UBE3A: variants seen among roughly 807,000 people sequenced by gnomAD.
UBE3A encodes the protein ubiquitin-protein ligase E3A.
A neutral mutation model predicts 83.4 loss-of-function variants in UBE3A; 6 were observed. That is an observed-to-expected ratio of 0.07 (90% CI 0.04 to 0.14). The LOEUF (loss-of-function observed/expected upper bound fraction) is 0.14. Among genes scored for constraint, UBE3A ranks in the 10% least tolerant of loss-of-function variants. The pLI, the probability that UBE3A is intolerant of heterozygous loss-of-function variation, is 1.00. For synonymous variants in UBE3A, 337 were observed against 355.4 expected (o/e 0.95, Z 0.58); for missense variants, 456 against 1,036.1 (o/e 0.44, Z 7.69).
intron 1 of UBE3A, chr15:25,438,028 A>G (rs1054945976): frequency 6.6e-6 from 1 of 152,156 alleles, no homozygotes. Context: ...CTTCCCATCA[A>G]TCCACCCCCA....
chr15:25,340,350 A>T, intron 11 of UBE3A, 122 bp from the exon 12 acceptor site: 5 of 1,188,040 alleles, frequency 4.2e-6, no homozygotes, highest in Non-Finnish European at 6.1e-6. Flanking sequence ...TTATCAGGAT[A>T]GTATCACTTC....
intron 4 of UBE3A, among the ~76,000 whole-genome samples, chr15:25,377,042 T>C (rs1595876432): frequency 6.6e-6 from 1 of 152,128 alleles, no homozygotes; most frequent in African/African-American, 2.4e-5. Context: ...AGCATGGAAA[T>C]AACAACTACA....
At position 25,432,218 on chromosome 15, in the gene UBE3A, T is replaced by C. The variant is rs74377376; in HGVS notation, c.-165+6271A>G. Among the ~76,000 whole-genome samples, 605 of 152,328 alleles carry C rather than the reference T, an allele frequency of 4.0e-3. 2 individuals are homozygous for C. The highest frequency in any genetic ancestry group is 0.014 in the African/African-American group (580 of 41,572). Reference sequence around the variant, plus strand: ...AGAAAGTGACAAAATGTGACATATGTCCATAGTGAATACATGGTGCTTTAT... The same window carrying C: ...AGAAAGTGACAAAATGTGACATATGCCCATAGTGAATACATGGTGCTTTAT... On this transcript the variant is annotated intron_variant, in intron 1 of 12. Coordinates refer to ENST00000648336, the MANE Select transcript of UBE3A (RefSeq NM_130839.5).
In UBE3A at chr15:25,370,529, C is replaced by T. The variant is rs1292422526; in HGVS notation, c.1608+37G>A. 6.2e-7 allele frequency: 1 copy of T among 1,611,986 alleles called. No homozygotes were observed. The highest frequency in any genetic ancestry group is 1.1e-5 in the South Asian group (1 of 91,024). On this transcript the variant is annotated intron_variant, in intron 6 of 12. Coordinates refer to ENST00000648336, the MANE Select transcript of UBE3A (RefSeq NM_130839.5). This position sits in a 1 kb window ranked among gnomAD's most constrained non-coding sequence, Gnocchi z 4.2. ...ATTCACTGAACTGTATCATGATATC[C>T]CCATTATTAGGTTTTTAATCTAGCA... is the stretch of plus-strand genomic sequence containing the variant.
chr15:25,411,834 G>A (rs943735615), intron 2 of UBE3A, 74 bp downstream of exon 2: 3 of 152,138 alleles, frequency 2.0e-5, no homozygotes, highest in Non-Finnish European at 2.9e-5. Flanking sequence ...CAAATTTGCT[G>A]AACACATCTG....
intron 6 of UBE3A, among the ~76,000 whole-genome samples, chr15:25,362,683 G>A (rs1045097732): frequency 2.0e-5 from 3 of 152,088 alleles, no homozygotes; most frequent in Admixed American, 1.3e-4. Flanking sequence ...TTCAAGCTAC[G>A]GAGTATACAG....
At chr15:25,350,818 G>C (rs1322969452) in intron 11 of UBE3A, among the ~76,000 whole-genome samples, 1 of 152,132 alleles carries the variant, frequency 6.6e-6, no homozygotes. Context: ...TGCAGTACAA[G>C]TACATAAGAT....
chr15:25,361,668 C>G (rs1314049690), intron 6 of UBE3A, among the ~76,000 whole-genome samples: 2 of 151,986 alleles, frequency 1.3e-5, no homozygotes, highest in African/African-American at 4.8e-5. Flanking sequence ...GATACTGTAT[C>G]TAGTACATGG....
At chr15:25,415,542 C>G (rs1005685813) in intron 1 of UBE3A, among the ~76,000 whole-genome samples, 1 of 152,118 alleles carries the variant, frequency 6.6e-6, no homozygotes, top group Admixed American at 6.6e-5. Context: ...ACCTCTATCC[C>G]CCACCCACCT....
chr15:25,434,040 C>T (rs1319057979), intron 1 of UBE3A, among the ~76,000 whole-genome samples: 2 of 152,140 alleles, frequency 1.3e-5, no homozygotes, highest in African/African-American at 4.8e-5. Flanking sequence ...CCAACTTGGG[C>T]AACACAGCGA....
At chr15:25,342,865 C>T (rs1398662256) in intron 11 of UBE3A, among the ~76,000 whole-genome samples, 1 of 152,034 alleles carries the variant, frequency 6.6e-6, no homozygotes, top group Non-Finnish European at 1.5e-5. Context: ...GCACTGGCAA[C>T]AGGGTGGTTA....
intron 2 of UBE3A, among the ~76,000 whole-genome samples, chr15:25,410,589 C>T (rs1479722572): frequency 2.2e-4 from 34 of 152,042 alleles, no homozygotes; most frequent in Non-Finnish European, 2.9e-5. Context: ...GATTCAGAAC[C>T]CAATATAAAA....
At chr15:25,421,497 G>GA (rs1889809438) in intron 1 of UBE3A, among the ~76,000 whole-genome samples, 1 of 152,176 alleles carries the variant, frequency 6.6e-6, no homozygotes, top group Non-Finnish European at 1.5e-5. Context: ...CCACTTATAT[G>GA]AAGTACCTGG....
intron 6 of UBE3A, among the ~76,000 whole-genome samples, chr15:25,367,190 A>C (rs997921264): frequency 1.6e-3 from 131 of 81,666 alleles, no homozygotes; most frequent in South Asian, 4.8e-3. Context: ...TAAATATGTA[A>C]ATATTTACAT....
At chr15:25,419,383 C>G (rs1303317444) in intron 1 of UBE3A, 2 of 152,036 alleles carry the variant, frequency 1.3e-5, no homozygotes, top group African/African-American at 2.4e-5. Flanking sequence ...AAATTATATT[C>G]TACAATTATT....
intron 4 of UBE3A, among the ~76,000 whole-genome samples, chr15:25,376,449 C>T (rs2081234285): frequency 6.6e-6 from 1 of 152,026 alleles, no homozygotes; most frequent in Admixed American, 6.6e-5. Flanking sequence ...GAGGTCAACA[C>T]CAGCCTGGGC....
At chr15:25,373,336 A>G (rs1248581330) in intron 5 of UBE3A, among the ~76,000 whole-genome samples, 2 of 152,206 alleles carry the variant, frequency 1.3e-5, no homozygotes, top group East Asian at 3.8e-4. Flanking sequence ...CTTTGCATGC[A>G]GTAATATGGC....
chr15:25,392,382 A>G (rs1342927157), intron 4 of UBE3A, among the ~76,000 whole-genome samples: 3 of 152,130 alleles, frequency 2.0e-5, no homozygotes, highest in Non-Finnish European at 4.4e-5. Context: ...TTCCAAATCT[A>G]GAGACATTTG....
At chr15:25,419,156 A>G (rs1379988516) in intron 1 of UBE3A, 3 of 152,208 alleles carry the variant, frequency 2.0e-5, no homozygotes, top group Admixed American at 1.3e-4. Context: ...GTTTGGGGCA[A>G]TGTATTACAC....
Sources: gnomAD v4.1 joint callset for allele counts (sites outside exome capture counted in the v4.1 genomes callset) on GRCh38, gnomAD v4.1.1 for gene constraint, Gnocchi (gnomAD v3.1) non-coding constraint, MANE v1.5 for transcripts, NCBI Gene and HGNC (gene_info 2026-07-23, HGNC 2026-07-21) for gene names.